Variants in PLCZ1 observed in about 807,000 individuals in gnomAD.
PLCZ1 encodes 1-phosphatidylinositol 4,5-bisphosphate phosphodiesterase zeta-1.
Under a neutral mutation model 76.8 loss-of-function variants are expected in PLCZ1, and 64 were observed. The observed-to-expected ratio is 0.83, with a 90% confidence interval of 0.68 to 1.03. The LOEUF is 1.03. Ranked by LOEUF, PLCZ1 falls within the 50% of genes least tolerant of loss-of-function variation. PLCZ1 has a pLI of 0.00. For synonymous variants in PLCZ1, 248 were observed against 230.8 expected, an observed-to-expected ratio of 1.07 and a Z score of -0.68; for missense variants, 751 against 713.7, an observed-to-expected ratio of 1.05 and a Z score of -0.60.
rs751595219 is a variant in PLCZ1, at chr12:18,696,149, C to T, written c.1291+1G>A. Reference sequence around the variant, plus strand: ...ACAACTCAATATCGTATATAACATACCCATTTGACAACCTATATTCCAAAA... The same window carrying T: ...ACAACTCAATATCGTATATAACATATCCATTTGACAACCTATATTCCAAAA... On this transcript the variant is annotated splice_donor_variant, in intron 11 of 14. Coordinates refer to ENST00000266505, the MANE Select transcript of PLCZ1 (RefSeq NM_033123.4). LOFTEE classifies it high-confidence loss of function. The T allele has an allele frequency of 5.6e-6, 8 of 1,418,334 alleles. No individual in the cohort carries two copies. The highest frequency in any genetic ancestry group is 7.9e-6 in the Non-Finnish European group (8 of 1,006,480). 87.9% of individuals were successfully genotyped at this position (1,418,334 alleles called of 1,614,324 possible). A position where few individuals can be genotyped will look rare whatever the true frequency, so the allele number is the denominator to read the frequency against.
In PLCZ1 at chr12:18,720,532, G is replaced by A. The variant is rs116553835; in HGVS notation, c.368-900C>T. 7.9e-3 allele frequency among the ~76,000 whole-genome samples: 1,198 copies of A among 151,552 alleles called. 19 individuals carry two copies. Among genetic ancestry groups the A allele is most frequent in the African/African-American group, 0.028 (1,156 of 41,324 alleles). On this transcript the variant is annotated intron_variant, in intron 4 of 14. Coordinates refer to ENST00000266505, the MANE Select transcript of PLCZ1 (RefSeq NM_033123.4). ...CTCATATCCATTTAACTTGTTATATGATCTTGAGCATATTAGCTAACCTCT... is the reference window on the plus strand; with the variant it reads ...CTCATATCCATTTAACTTGTTATATAATCTTGAGCATATTAGCTAACCTCT...
Position 18,701,696 on chromosome 12 carries a change from C to T in PLCZ1, c.945G>A (p.Lys315=), listed in dbSNP as rs368312005. ...CTTCCCATTCCTCCACCTTACCACG[C>T]TTATCAGAACCTTTTCTTTCATGGG... ...KETHERKGSD[K]RGDNQDKETG... Residue 315 remains lysine (K), a synonymous_variant, in exon 8 of 15, where the codon AAG becomes AAA. Transcript: ENST00000266505. 9.3e-6 allele frequency: 15 copies of T among 1,609,878 alleles called. No homozygotes were observed. The highest frequency in any genetic ancestry group is 4.5e-5 in the East Asian group (2 of 44,162).
chr12:18,734,734 C>T (rs1425473572), intron 3 of PLCZ1, among the ~76,000 whole-genome samples: 2 of 152,094 alleles, frequency 1.3e-5, no homozygotes, highest in African/African-American at 4.8e-5. Flanking sequence ...TTTGCTTCTG[C>T]CTTTTTAATT....
At chr12:18,707,306 C>T (rs983177875) in intron 6 of PLCZ1, among the ~76,000 whole-genome samples, 7 of 152,158 alleles carry the variant, frequency 4.6e-5, no homozygotes, top group East Asian at 1.9e-4. Context: ...CACTCTGATC[C>T]CAAAAGAATA....
chr12:18,696,337 T>C (rs949373630), intron 10 of PLCZ1, 71 bp from the exon 11 acceptor site: 4 of 260,198 alleles, frequency 1.5e-5, no homozygotes, highest in African/African-American at 8.5e-5. Flanking sequence ...TATATATATA[T>C]ATATATATAT....
the PLCZ1 span, among the ~76,000 whole-genome samples, chr12:18,669,458 G>A: frequency 1.3e-5 from 2 of 152,162 alleles, no homozygotes; most frequent in Admixed American, 1.3e-4. Flanking sequence ...AAAAGATACT[G>A]TCTTAATGTG....
In PLCZ1 at chr12:18,684,081, A is replaced by G. The variant is rs1431257777; in HGVS notation, c.1741+49T>C. 1.9e-6 allele frequency: 3 copies of G among 1,595,186 alleles called. No homozygotes were observed. The African/African-American group carries it at 4.0e-5, about 21-fold the overall frequency. On this transcript the variant is annotated intron_variant, in intron 14 of 14. Coordinates refer to ENST00000266505, the MANE Select transcript of PLCZ1 (RefSeq NM_033123.4). Reference sequence around the variant, plus strand: ...GTCAAAATGTGTCTTTGATATACACAAGTTATATTTAAATGCTGGTACAAT... The same window carrying G: ...GTCAAAATGTGTCTTTGATATACACGAGTTATATTTAAATGCTGGTACAAT...
At chr12:18,700,086 T>C (rs768822400) in intron 9 of PLCZ1, 136 bp from the exon 10 acceptor site, 1 of 724,394 alleles carries the variant, frequency 1.4e-6, no homozygotes, top group Non-Finnish European at 2.3e-6. Flanking sequence ...CACCATTTGA[T>C]TAACTCAATA....
chr12:18,650,704 G>GTATATATATA, the PLCZ1 span, among the ~76,000 whole-genome samples: 1 of 57,762 alleles, frequency 1.7e-5, no homozygotes, highest in Non-Finnish European at 4.0e-5. Flanking sequence ...GTGTGTGTGT[G>GTATATATATA]TATATATCTA....
At chr12:18,673,417 C>T in the PLCZ1 span, among the ~76,000 whole-genome samples, 2 of 151,562 alleles carry the variant, frequency 1.3e-5, no homozygotes, top group Non-Finnish European at 2.9e-5. Context: ...GCCATTTCAC[C>T]AAGATATACT....
At chr12:18,719,351 A>C (rs185049270) in intron 5 of PLCZ1, 80 bp downstream of exon 5, 152 of 749,112 alleles carry the variant, frequency 2.0e-4, no homozygotes, top group East Asian at 3.4e-4. Flanking sequence ...TTTATTGTGC[A>C]CTCTTGCCTA....
At chr12:18,704,766 G>C (rs74742829) in intron 7 of PLCZ1, among the ~76,000 whole-genome samples, 2,096 of 152,240 alleles carry the variant, frequency 0.014, 68 homozygotes, top group African/African-American at 0.049. Flanking sequence ...AAATTGAAAA[G>C]AGTAGATTTT....
chr12:18,695,787 A>C (rs766616821), intron 11 of PLCZ1, among the ~76,000 whole-genome samples: 8 of 152,170 alleles, frequency 5.3e-5, no homozygotes, highest in Non-Finnish European at 1.0e-4. Flanking sequence ...GCTCATGTAA[A>C]GTATAAATGA....
chr12:18,725,369 G>A (rs775151957), intron 3 of PLCZ1, among the ~76,000 whole-genome samples: 10 of 152,100 alleles, frequency 6.6e-5, no homozygotes, highest in Admixed American at 2.0e-4. Flanking sequence ...CAACGTGCTA[G>A]ACTCCTCTGT....
chr12:18,697,555 T>A (rs1162200965), intron 10 of PLCZ1, among the ~76,000 whole-genome samples: 1 of 152,136 alleles, frequency 6.6e-6, no homozygotes, highest in African/African-American at 2.4e-5. Context: ...AAAATAAACA[T>A]GTTTGTTATT....
chr12:18,718,182 C>G (rs1958196423), intron 5 of PLCZ1, among the ~76,000 whole-genome samples: 1 of 152,058 alleles, frequency 6.6e-6, no homozygotes, highest in Non-Finnish European at 1.5e-5. Flanking sequence ...AAGATATTTT[C>G]AAGTATTGGG....
chr12:18,737,381 A>G lies in PLCZ1; in HGVS notation c.-10T>C. On this transcript the variant is annotated 5_prime_UTR_variant, in exon 2 of 15. Coordinates refer to ENST00000266505, the MANE Select transcript of PLCZ1 (RefSeq NM_033123.4). ...GATATCTCATTTCCATAGTTTCATG[A>G]CCTGTAGAGCCGTTTCTCCTCACTT... is the stretch of plus-strand genomic sequence containing the variant. 6.2e-7 allele frequency: 1 copy of G among 1,613,824 alleles called. No individual in the cohort carries two copies. Among genetic ancestry groups the G allele is most frequent in the Non-Finnish European group, 8.5e-7 (1 of 1,179,748 alleles).
chr12:18,727,521 G>C (rs530318513), intron 3 of PLCZ1, among the ~76,000 whole-genome samples: 2 of 152,258 alleles, frequency 1.3e-5, no homozygotes, highest in East Asian at 3.9e-4. Flanking sequence ...AGGGAGGAAA[G>C]GGGCTAATTC....
chr12:18,699,251 G>A (rs1382262224), intron 10 of PLCZ1, among the ~76,000 whole-genome samples: 1 of 152,154 alleles, frequency 6.6e-6, no homozygotes, highest in Admixed American at 6.5e-5. Flanking sequence ...GAGCCTCCAA[G>A]TCTGATTAAC....
Sources: gnomAD v4.1 joint callset for allele counts (sites outside exome capture counted in the v4.1 genomes callset) on GRCh38, gnomAD v4.1.1 for gene constraint, MANE v1.5 for transcripts, NCBI Gene and HGNC (gene_info 2026-07-23, HGNC 2026-07-21) for gene names.